The following SNAPC1 variants were observed in gnomAD, a reference collection of about 807,000 sequenced individuals.
The protein encoded by SNAPC1 is small nuclear RNA activating complex polypeptide 1.
A neutral mutation model predicts 50.1 loss-of-function variants in SNAPC1; 42 were observed. That is an observed-to-expected ratio of 0.84 (90% confidence interval 0.65 to 1.08). SNAPC1 has a LOEUF of 1.08. Among genes scored for constraint, SNAPC1 ranks in the 50% least tolerant of loss-of-function variants. The probability of loss-of-function intolerance (pLI) is 0.00; values close to 1 mark genes in which losing one functional copy is unlikely to be tolerated. For missense variants in SNAPC1, 477 were observed against 427.3 expected (o/e 1.12, Z -1.02); for synonymous variants, 164 against 144.2 (o/e 1.14, Z -0.98).
intron 8 of SNAPC1, among the ~76,000 whole-genome samples, chr14:61,788,363 A>C (rs2045129464): frequency 6.6e-6 from 1 of 152,314 alleles, no homozygotes; most frequent in Admixed American, 6.5e-5. Context: ...ATACAGTGGA[A>C]AGGTGTTTTT....
chr14:61,770,972 G>A (rs1277709100), intron 4 of SNAPC1, among the ~76,000 whole-genome samples: 1 of 152,050 alleles, frequency 6.6e-6, no homozygotes, highest in African/African-American at 2.4e-5. Context: ...AAACTCCTGA[G>A]CTCAGGCGAT....
At chr14:61,778,521 G>A (rs1350534887) in intron 6 of SNAPC1, among the ~76,000 whole-genome samples, 1 of 152,222 alleles carries the variant, frequency 6.6e-6, no homozygotes, top group African/African-American at 2.4e-5. Flanking sequence ...GAGACAAGGA[G>A]CCATCTTTGA....
intron 9 of SNAPC1, among the ~76,000 whole-genome samples, chr14:61,793,363 C>T (rs75451094): frequency 6.6e-6 from 1 of 152,008 alleles, no homozygotes; most frequent in African/African-American, 2.4e-5. Flanking sequence ...CCGCCTCAGC[C>T]TCTTGAGTCA....
At chr14:61,787,395 G>GTT (rs11394957) in intron 8 of SNAPC1, among the ~76,000 whole-genome samples, 409 of 138,374 alleles carry the variant, frequency 3.0e-3, no homozygotes, top group Non-Finnish European at 3.7e-3. Flanking sequence ...AGATTAAAAT[G>GTT]TTTTTTTTTT....
chr14:61,793,661 C>CTTT (rs71117855), intron 9 of SNAPC1, among the ~76,000 whole-genome samples: 10 of 130,578 alleles, frequency 7.7e-5, no homozygotes, highest in East Asian at 2.2e-4. Context: ...TTCTTTTTTT[C>CTTT]TTTTTTTTTT....
At chr14:61,762,708 G>A in intron 1 of SNAPC1, 120 bp downstream of exon 1, 3 of 1,196,028 alleles carry the variant, frequency 2.5e-6, no homozygotes, top group Middle Eastern at 2.0e-4. Flanking sequence ...ACCGAAGGTT[G>A]CCTCCATGAC....
At chr14:61,769,817 TAA>T (rs1353672136) in intron 4 of SNAPC1, among the ~76,000 whole-genome samples, 2 of 152,216 alleles carry the variant, frequency 1.3e-5, no homozygotes, top group African/African-American at 4.8e-5. Flanking sequence ...TATGCATGGA[TAA>T]GTAGTGTTAC....
intron 4 of SNAPC1, among the ~76,000 whole-genome samples, chr14:61,773,335 T>G (rs2045007409): frequency 6.6e-6 from 1 of 152,012 alleles, no homozygotes; most frequent in South Asian, 2.1e-4. Context: ...ATGCTAGATG[T>G]TTTATGTATG....
intron 4 of SNAPC1, among the ~76,000 whole-genome samples, chr14:61,773,898 G>A (rs2045014382): frequency 6.7e-6 from 1 of 149,618 alleles, no homozygotes. Flanking sequence ...TAGTAGAAAT[G>A]GGGTTTCACC....
At chr14:61,777,631 G>A (rs1297205099) in intron 5 of SNAPC1, among the ~76,000 whole-genome samples, 1 of 148,766 alleles carries the variant, frequency 6.7e-6, no homozygotes, top group Non-Finnish European at 1.5e-5. Context: ...TTTTTTTAGA[G>A]ATGGGGTCTT....
At chr14:61,793,757 C>T (rs28687706) in intron 9 of SNAPC1, among the ~76,000 whole-genome samples, 8 of 149,438 alleles carry the variant, frequency 5.4e-5, no homozygotes, top group Non-Finnish European at 8.9e-5. Flanking sequence ...CCCAGGTTCA[C>T]GCGATTCTCC....
intron 9 of SNAPC1, among the ~76,000 whole-genome samples, chr14:61,794,465 G>A (rs2045174220): frequency 1.3e-5 from 2 of 152,088 alleles, no homozygotes; most frequent in Non-Finnish European, 2.9e-5. Context: ...GAGTGCAGTG[G>A]CACGATCTTG....
rs1264312619 is a variant in SNAPC1 at position 61,763,589 on chromosome 14, G to T, written c.128+1001G>T. Among the ~76,000 whole-genome samples the T allele has an allele frequency of 6.6e-5, 10 of 150,692 alleles. No individual in the cohort carries two copies. The Admixed American group carries it at 6.6e-4, about 10-fold the overall frequency. On this transcript the variant is annotated intron_variant, in intron 1 of 9. Transcript: ENST00000216294. ...TTTGTCCACCTTATTCTTCACTCAGGGTTAAGCTCAAATGACATCCTCGGG... is the reference window on the plus strand; with the variant it reads ...TTTGTCCACCTTATTCTTCACTCAGTGTTAAGCTCAAATGACATCCTCGGG...
At position 61,762,491 on chromosome 14, in the gene SNAPC1, T is replaced by C. The variant is rs760563867; in HGVS notation, c.31T>C (p.Cys11Arg). 2.1e-6 allele frequency: 3 copies of C among 1,462,936 alleles called. No homozygotes were observed. The highest frequency in any genetic ancestry group is 2.7e-6 in the Non-Finnish European group (3 of 1,104,234). 90.6% of individuals were successfully genotyped at this position (1,462,936 alleles called of 1,614,324 possible). A position where few individuals can be genotyped will look rare whatever the true frequency, so the allele number is the denominator to read the frequency against. The change falls in exon 1 of 10, where the codon TGC becomes CGC. Residue 11 changes from cysteine to arginine, a missense_variant. Coordinates refer to ENST00000216294, the MANE Select transcript of SNAPC1 (RefSeq NM_003082.4). Reference protein sequence around the residue: MGTPPGLQTDCEALLSRFQET... With the variant: MGTPPGLQTDREALLSRFQET... Reference sequence around the variant, plus strand: ...GACTCCTCCCGGCCTGCAGACCGACTGCGAGGCGCTGCTCAGCCGCTTCCA... The same window carrying C: ...GACTCCTCCCGGCCTGCAGACCGACCGCGAGGCGCTGCTCAGCCGCTTCCA...
In SNAPC1 at chr14:61,795,832, TC is replaced by T. The variant is rs967646922; in HGVS notation, c.*852del. On this transcript the variant is annotated 3_prime_UTR_variant, in exon 10 of 10. Transcript: ENST00000216294. ...GAATTGCTGCCAATAGCAGACCATA[TC>T]CCTATCATGTTGTTGGCTCAACTGT... is the stretch of plus-strand genomic sequence containing the variant. The T allele has an allele frequency of 3.4e-4, 52 of 151,486 alleles. No homozygotes were observed. Among genetic ancestry groups the T allele is most frequent in the African/African-American group, 1.3e-3 (52 of 41,298 alleles). 9.4% of individuals were successfully genotyped at this position (151,486 alleles called of 1,614,324 possible). A position where few individuals can be genotyped will look rare whatever the true frequency, so the allele number is the denominator to read the frequency against.
intron 8 of SNAPC1, among the ~76,000 whole-genome samples, chr14:61,786,160 GACCTAAATTTGAA>G (rs1431164664): frequency 6.6e-5 from 10 of 152,122 alleles, no homozygotes; most frequent in Non-Finnish European, 1.2e-4. Flanking sequence ...ATGGATTATG[GACCTAAATTTGAA>G]ACCTAAATTA....
intron 8 of SNAPC1, 92 bp from the exon 9 acceptor site, chr14:61,792,715 A>T: frequency 1.6e-6 from 1 of 637,948 alleles, no homozygotes; most frequent in Non-Finnish European, 2.6e-6. Flanking sequence ...TCTAATTTTT[A>T]TGCTGTAATA....
rs570606433 is a variant in SNAPC1 at position 61,773,286 on chromosome 14, G to A, written c.535-2809G>A. On this transcript the variant is annotated intron_variant, in intron 4 of 9. Transcript: ENST00000216294. ...TCTTCATTTATACAGTTATAATAAT[G>A]GACATCGTGTGCTGAGTACTCACCA... 3.3e-5 allele frequency among the ~76,000 whole-genome samples: 5 copies of A among 152,074 alleles called. No individual in the cohort carries two copies. In the East Asian group the frequency reaches 7.7e-4, roughly 23 times the overall value.
intron 3 of SNAPC1, among the ~76,000 whole-genome samples, chr14:61,768,016 G>C (rs7150730): frequency 0.15 from 23,316 of 152,194 alleles, 2,170 homozygotes; most frequent in South Asian, 0.32. Context: ...CTGACCTCAG[G>C]TGATCCACCC....
Sources: gnomAD v4.1 joint callset for allele counts (sites outside exome capture counted in the v4.1 genomes callset) on GRCh38, gnomAD v4.1.1 for gene constraint, MANE v1.5 for transcripts, NCBI Gene and HGNC (gene_info 2026-07-23, HGNC 2026-07-21) for gene names.